The following VEPH1 variants were observed in gnomAD, a reference collection of about 807,000 sequenced individuals.
VEPH1 encodes the protein ventricular zone expressed PH domain containing 1, also known as ventricular zone-expressed PH domain-containing protein homolog 1.
In VEPH1, 80 loss-of-function variants were observed where a neutral mutation model predicts 85.2. The observed-to-expected ratio is 0.94, with a 90% CI of 0.78 to 1.13. The LOEUF is 1.13. Among genes scored for constraint, VEPH1 ranks in the 50% most tolerant of loss-of-function variants. VEPH1 has a pLI of 0.00. For synonymous variants in VEPH1, 297 were observed against 348.0 expected, an observed-to-expected ratio of 0.85 and a Z score of 1.63; for missense variants, 955 against 980.5, an observed-to-expected ratio of 0.97 and a Z score of 0.35.
At chr3:157,307,157 T>G (rs957887022) in intron 11 of VEPH1, among the ~76,000 whole-genome samples, 1 of 152,026 alleles carries the variant, frequency 6.6e-6, no homozygotes, top group Non-Finnish European at 1.5e-5. Flanking sequence ...CTCACCCATC[T>G]TAACAGTAAT....
intron 11 of VEPH1, among the ~76,000 whole-genome samples, chr3:157,302,699 A>C (rs1718947832): frequency 6.6e-6 from 1 of 152,206 alleles, no homozygotes; most frequent in Non-Finnish European, 1.5e-5. Flanking sequence ...TGGACAAAGA[A>C]ACTGAACTAA....
intron 7 of VEPH1, among the ~76,000 whole-genome samples, chr3:157,369,141 AAAAC>A (rs1247840942): frequency 4.0e-5 from 6 of 149,166 alleles, no homozygotes; most frequent in Non-Finnish European, 8.9e-5. Flanking sequence ...CACAAAAAAC[AAAAC>A]AAACAAATAA....
chr3:157,467,784 A>G (rs1380570777), intron 3 of VEPH1, among the ~76,000 whole-genome samples: 1 of 152,168 alleles, frequency 6.6e-6, no homozygotes, highest in African/African-American at 2.4e-5. Flanking sequence ...GTCCCTCTTA[A>G]CCAAGGAGCC....
intron 7 of VEPH1, among the ~76,000 whole-genome samples, chr3:157,369,180 GA>G (rs58451868): frequency 0.056 from 2,368 of 42,642 alleles, 25 homozygotes; most frequent in Non-Finnish European, 0.067. Flanking sequence ...AAAACCAAAT[GA>G]AAAAAAAAAA....
chr3:157,314,818 G>T (rs182654835), intron 10 of VEPH1, among the ~76,000 whole-genome samples: 24 of 152,052 alleles, frequency 1.6e-4, no homozygotes, highest in African/African-American at 5.5e-4. Flanking sequence ...TGAACATAAA[G>T]AAAATCACAT....
At chr3:157,318,343 C>T (rs745822165) in intron 9 of VEPH1, among the ~76,000 whole-genome samples, 3 of 152,070 alleles carry the variant, frequency 2.0e-5, no homozygotes, top group African/African-American at 4.8e-5. Flanking sequence ...CATGGTGGCT[C>T]ATGCCTGTAA....
intron 6 of VEPH1, among the ~76,000 whole-genome samples, chr3:157,383,606 T>C (rs1019502378): frequency 6.6e-6 from 1 of 152,212 alleles, no homozygotes; most frequent in African/African-American, 2.4e-5. Context: ...CTGGAACATA[T>C]CTCTTGGGGT....
At chr3:157,360,484 G>GA (rs967055261) in intron 9 of VEPH1, among the ~76,000 whole-genome samples, 4 of 151,170 alleles carry the variant, frequency 2.6e-5, no homozygotes, top group East Asian at 1.9e-4. Flanking sequence ...ACATTTTTGG[G>GA]AAAAAAAAGC....
At chr3:157,367,404 T>G (rs1214839726) in intron 7 of VEPH1, among the ~76,000 whole-genome samples, 14 of 152,180 alleles carry the variant, frequency 9.2e-5, no homozygotes, top group Admixed American at 8.5e-4. Flanking sequence ...CCATGATGAT[T>G]GCCAAGGTTA....
At chr3:157,361,107 A>T (rs1448490685) in intron 9 of VEPH1, among the ~76,000 whole-genome samples, 2 of 152,232 alleles carry the variant, frequency 1.3e-5, no homozygotes, top group African/African-American at 4.8e-5. Context: ...CAATAGATAC[A>T]CAGATTATTA....
intron 9 of VEPH1, among the ~76,000 whole-genome samples, chr3:157,320,954 G>A (rs1018993393): frequency 2.6e-5 from 4 of 151,882 alleles, no homozygotes; most frequent in East Asian, 1.9e-4. Flanking sequence ...GAAACACATC[G>A]TTCTTCTTGG....
intron 6 of VEPH1, among the ~76,000 whole-genome samples, chr3:157,389,702 T>C (rs1302282384): frequency 6.6e-6 from 1 of 152,042 alleles, no homozygotes; most frequent in Non-Finnish European, 1.5e-5. Context: ...TAGAAATGCG[T>C]ACATAGATGG....
chr3:157,499,244 ATTAT>A (rs1431522799), intron 1 of VEPH1, among the ~76,000 whole-genome samples: 2 of 133,138 alleles, frequency 1.5e-5, no homozygotes, highest in Admixed American at 1.7e-4. Flanking sequence ...CCACCTTCTC[ATTAT>A]TTAGTTTTTT....
At chr3:157,481,459 CACACACA>C (rs1204129888) in intron 2 of VEPH1, among the ~76,000 whole-genome samples, 2 of 66,560 alleles carry the variant, frequency 3.0e-5, no homozygotes, top group Non-Finnish European at 2.6e-5. Context: ...CACACACACA[CACACACA>C]AAAAAAAAAA....
At position 157,488,510 on chromosome 3, in the gene VEPH1, T is replaced by TC. The variant is rs1307698389; in HGVS notation, c.138+6701_138+6702insG. ...TTCTGACTTTCTTTCTTTCTTTCTT[T>TC]TTTTTTTTTTTTACTGGATATTTCT... On this transcript the variant is annotated intron_variant, in intron 2 of 13. Coordinates refer to ENST00000362010, the MANE Select transcript of VEPH1 (RefSeq NM_001167912.2). Among the ~76,000 whole-genome samples, 732 of 150,656 alleles carry TC rather than the reference T, an allele frequency of 4.9e-3. 5 individuals are homozygous for TC. The highest frequency in any genetic ancestry group is 0.017 in the African/African-American group (693 of 41,006).
At chr3:157,419,852 A>G (rs930463898) in intron 5 of VEPH1, among the ~76,000 whole-genome samples, 3 of 152,192 alleles carry the variant, frequency 2.0e-5, no homozygotes, top group African/African-American at 4.8e-5. Context: ...AAATCATTCT[A>G]TTATAAAGAT....
chr3:157,472,177 A>G (rs73030051), intron 2 of VEPH1, among the ~76,000 whole-genome samples: 1,777 of 152,228 alleles, frequency 0.012, 30 homozygotes, highest in African/African-American at 0.039. Context: ...GTTTAACTTC[A>G]AGTTTTCCTT....
intron 4 of VEPH1, among the ~76,000 whole-genome samples, chr3:157,438,861 T>A (rs1280566195): frequency 6.6e-6 from 1 of 152,234 alleles, no homozygotes; most frequent in Admixed American, 6.5e-5. Context: ...TTGGATTGTA[T>A]TAGAAAATCA....
intron 7 of VEPH1, among the ~76,000 whole-genome samples, chr3:157,376,072 C>A (rs934452925): frequency 6.6e-6 from 1 of 152,154 alleles, no homozygotes; most frequent in Non-Finnish European, 1.5e-5. Context: ...AGGACCCTTT[C>A]TCCTTTTTTC....
Sources: allele counts gnomAD v4.1 joint callset (sites outside exome capture counted in the v4.1 genomes callset), GRCh38; gene constraint gnomAD v4.1.1; transcripts MANE v1.5; gene names NCBI Gene and HGNC (gene_info 2026-07-23, HGNC 2026-07-21).